ADGRB3: variants seen among roughly 807,000 people sequenced by gnomAD.
The protein encoded by ADGRB3 is brain-specific angiogenesis inhibitor 3.
A neutral mutation model predicts 193.4 loss-of-function variants in ADGRB3; 37 were observed. That is an observed-to-expected ratio of 0.19 (90% confidence interval 0.15 to 0.25). The LOEUF (loss-of-function observed/expected upper bound fraction) is 0.25, where lower values mean the gene tolerates loss of function less well. Among genes scored for constraint, ADGRB3 ranks in the 10% least tolerant of loss-of-function variants. The pLI, the probability that ADGRB3 is intolerant of heterozygous loss-of-function variation, is 1.00. For synonymous variants in ADGRB3, 690 were observed against 644.2 expected (o/e 1.07, Z -1.08); for missense variants, 1,637 against 1,852.9 (o/e 0.88, Z 2.14).
intron 29 of ADGRB3, among the ~76,000 whole-genome samples, chr6:69,371,240 A>G (rs547094229): frequency 1.3e-5 from 2 of 152,220 alleles, no homozygotes; most frequent in East Asian, 1.9e-4. Context: ...GGGATTAGGT[A>G]TACAGTGAGG....
chr6:68,636,923 C>A (rs1767972438), intron 1 of ADGRB3, among the ~76,000 whole-genome samples: 1 of 145,664 alleles, frequency 6.9e-6, no homozygotes, highest in Non-Finnish European at 1.5e-5. Context: ...CTGAAGAACA[C>A]TGCGCAGACC....
At chr6:69,056,687 T>C (rs1443301594) in intron 15 of ADGRB3, among the ~76,000 whole-genome samples, 1 of 152,174 alleles carries the variant, frequency 6.6e-6, no homozygotes, top group African/African-American at 2.4e-5. Context: ...CAACACTGTT[T>C]GTTGAAGAGA....
intron 15 of ADGRB3, among the ~76,000 whole-genome samples, chr6:69,056,909 G>A (rs924922620): frequency 2.6e-4 from 40 of 152,198 alleles, no homozygotes; most frequent in African/African-American, 9.1e-4. Flanking sequence ...TGCTCCAGCT[G>A]TCAAGAATTC....
intron 17 of ADGRB3, among the ~76,000 whole-genome samples, chr6:69,117,614 G>T (rs1452887875): frequency 6.6e-6 from 1 of 152,044 alleles, no homozygotes; most frequent in Non-Finnish European, 1.5e-5. Flanking sequence ...ACCTCAACAA[G>T]TTTGGAAATA....
At chr6:69,372,819 C>A (rs1375366340) in intron 30 of ADGRB3, among the ~76,000 whole-genome samples, 1 of 151,916 alleles carries the variant, frequency 6.6e-6, no homozygotes, top group African/African-American at 2.4e-5. Flanking sequence ...CTGAAGAGAT[C>A]CTGTGAGTAT....
intron 11 of ADGRB3, among the ~76,000 whole-genome samples, chr6:69,004,695 C>A (rs988850783): frequency 1.3e-5 from 2 of 151,950 alleles, no homozygotes; most frequent in African/African-American, 4.8e-5. Flanking sequence ...GATTAGGGCC[C>A]ACCCTGATTC....
At chr6:69,379,935 T>C (rs1162866138) in intron 30 of ADGRB3, among the ~76,000 whole-genome samples, 1 of 152,042 alleles carries the variant, frequency 6.6e-6, no homozygotes, top group African/African-American at 2.4e-5. Context: ...TTATTCAGAA[T>C]AGCTTTAATA....
chr6:69,154,588 C>A (rs1436669538), intron 17 of ADGRB3, among the ~76,000 whole-genome samples: 1 of 152,174 alleles, frequency 6.6e-6, no homozygotes, highest in Non-Finnish European at 1.5e-5. Flanking sequence ...AAATTCAGAT[C>A]ACATCTCCAG....
chr6:68,852,700 A>G (rs971828493), intron 3 of ADGRB3, among the ~76,000 whole-genome samples: 1 of 152,046 alleles, frequency 6.6e-6, no homozygotes, highest in African/African-American at 2.4e-5. Context: ...AGCATATTCT[A>G]TCTTTCTTAT....
chr6:68,952,760 A>G (rs1767963096), intron 6 of ADGRB3, among the ~76,000 whole-genome samples: 1 of 150,742 alleles, frequency 6.6e-6, no homozygotes, highest in African/African-American at 2.4e-5. Flanking sequence ...TGTATCTTCA[A>G]TTTCATTATT....
intron 13 of ADGRB3, among the ~76,000 whole-genome samples, chr6:69,029,642 GA>G (rs1156606817): frequency 1.3e-5 from 2 of 152,124 alleles, no homozygotes; most frequent in Non-Finnish European, 2.9e-5. Context: ...CAATGTATGA[GA>G]AAAGAGCTTA....
chr6:68,873,556 G>T (rs1048215862), intron 3 of ADGRB3, among the ~76,000 whole-genome samples: 1 of 152,102 alleles, frequency 6.6e-6, no homozygotes, highest in African/African-American at 2.4e-5. Flanking sequence ...ATTAAAAATG[G>T]TGAGTAAAGA....
At chr6:68,723,234 C>G (rs897687028) in intron 3 of ADGRB3, among the ~76,000 whole-genome samples, 4 of 151,640 alleles carry the variant, frequency 2.6e-5, no homozygotes, top group Admixed American at 1.3e-4. Flanking sequence ...ATCAGCTGGA[C>G]CCTACATTTT....
chr6:69,251,367 AT>A (rs11378916), intron 20 of ADGRB3, among the ~76,000 whole-genome samples: 35 of 149,536 alleles, frequency 2.3e-4, no homozygotes, highest in Middle Eastern at 3.4e-3. Context: ...CTAGGAACCC[AT>A]TTTTTTTTTA....
chr6:68,653,530 G>C (rs1561983918), intron 3 of ADGRB3, among the ~76,000 whole-genome samples: 1 of 151,996 alleles, frequency 6.6e-6, no homozygotes, highest in Non-Finnish European at 1.5e-5. Context: ...TACTAGCAAA[G>C]CACTCTAGAA....
In ADGRB3 at chr6:68,668,136, C is replaced by G. The variant is rs183555283; in HGVS notation, c.757+28704C>G. On this transcript the variant is annotated intron_variant, in intron 3 of 31. Coordinates refer to ENST00000370598, the MANE Select transcript of ADGRB3 (RefSeq NM_001704.3). ...TACCATGTAGAATATTGGTTCCAAA[C>G]TGTAGCAGCTGCTAGAGCCAAAAAA... is the stretch of plus-strand genomic sequence containing the variant. Among the ~76,000 whole-genome samples the G allele has an allele frequency of 2.0e-3, 299 of 152,124 alleles. 2 individuals carry two copies. Among genetic ancestry groups the G allele is most frequent in the African/African-American group, 6.8e-3 (282 of 41,538 alleles).
chr6:69,137,140 T>C (rs922056919), intron 17 of ADGRB3, among the ~76,000 whole-genome samples: 2 of 148,360 alleles, frequency 1.3e-5, no homozygotes, highest in African/African-American at 2.5e-5. Flanking sequence ...TGGTTTCTTA[T>C]AACTCCTGCA....
intron 3 of ADGRB3, among the ~76,000 whole-genome samples, chr6:68,783,295 T>TATATATATATAACATACATATATATA (rs1766895124): frequency 2.0e-5 from 3 of 146,696 alleles, no homozygotes; most frequent in African/African-American, 7.4e-5. Context: ...TCCCTAAATA[T>TATATATATATAACATACATATATATA]ATATATATAT....
chr6:68,954,284 A>T (rs909689544), intron 6 of ADGRB3, among the ~76,000 whole-genome samples: 13 of 152,118 alleles, frequency 8.5e-5, no homozygotes, highest in Non-Finnish European at 1.5e-4. Context: ...TGAGGTTAGG[A>T]TTTATATTCT....
Sources: allele counts gnomAD v4.1 joint callset (sites outside exome capture counted in the v4.1 genomes callset), GRCh38; gene constraint gnomAD v4.1.1; transcripts MANE v1.5; gene names NCBI Gene and HGNC (gene_info 2026-07-23, HGNC 2026-07-21).